NPFFR1: variants seen among roughly 807,000 people sequenced by gnomAD.
NPFFR1 encodes the protein neuropeptide FF receptor 1.
NPFFR1 carries 17 observed loss-of-function variants against 12.7 expected under a neutral mutation model. That is an observed-to-expected ratio of 1.34 (90% CI 0.92 to 2.01). NPFFR1 has a LOEUF of 2.01. NPFFR1 is among the 30% of genes most tolerant of loss of function. The pLI is 0.00. For synonymous variants in NPFFR1, 296 were observed against 264.5 expected, an observed-to-expected ratio of 1.12 and a Z score of -1.16; for missense variants, 604 against 606.5, an observed-to-expected ratio of 1.00 and a Z score of 0.04.
In NPFFR1 at chr10:70,253,208, G is replaced by A. The variant is rs1840528482; in HGVS notation, c.*1749C>T. ...GCTCTTGGCAGCCTGCTCAGCACCA[G>A]GGCAAGAACAACTCAGGCTGGACAT... is the stretch of plus-strand genomic sequence containing the variant. On this transcript the variant is annotated 3_prime_UTR_variant, in exon 4 of 4. Transcript: ENST00000277942. The A allele has an allele frequency of 6.6e-6, 1 of 152,254 alleles. No homozygotes were observed. The highest frequency in any genetic ancestry group is 1.5e-5 in the Non-Finnish European group (1 of 68,146). 9.4% of individuals were successfully genotyped at this position (152,254 alleles called of 1,614,324 possible).
intron 1 of NPFFR1, among the ~76,000 whole-genome samples, chr10:70,280,059 C>T (rs1347898041): frequency 6.6e-6 from 1 of 152,238 alleles, no homozygotes; most frequent in Non-Finnish European, 1.5e-5. Context: ...TGACACAATT[C>T]TGTCTTTTTA....
chr10:70,255,464 CGAT>C lies in NPFFR1; in HGVS notation c.783_785del (p.Ser262del), dbSNP rs1396544622. The C allele has an allele frequency of 5.8e-6, 9 of 1,548,216 alleles. No homozygotes were observed. The highest frequency in any genetic ancestry group is 8.7e-7 in the Non-Finnish European group (1 of 1,146,192). ...TGTGCACCACGCGCGCTCTGCGCCGCGATGCTCGCGGGTCCGCAGCCTCCTCGC... is the reference window on the plus strand; with the variant it reads ...TGTGCACCACGCGCGCTCTGCGCCGCGCTCGCGGGTCCGCAGCCTCCTCGC... On this transcript the variant is annotated inframe_deletion, in exon 4 of 4. Coordinates refer to ENST00000277942, the MANE Select transcript of NPFFR1 (RefSeq NM_022146.5). This position sits in a 1 kb window ranked among gnomAD's most constrained non-coding sequence, Gnocchi z 4.2.
At chr10:70,267,266 G>A (rs777280043) in intron 1 of NPFFR1, among the ~76,000 whole-genome samples, 1 of 152,162 alleles carries the variant, frequency 6.6e-6, no homozygotes, top group Non-Finnish European at 1.5e-5. Context: ...ATCCAAAGCA[G>A]GGGCTCCTGC....
intron 3 of NPFFR1, among the ~76,000 whole-genome samples, chr10:70,258,811 C>G (rs1173314302): frequency 1.3e-5 from 2 of 152,138 alleles, no homozygotes. Flanking sequence ...GGAGTCAGAG[C>G]CTGCCCTGGA....
chr10:70,252,342 G>A lies in NPFFR1; in HGVS notation c.*2615C>T, dbSNP rs1271520535. The A allele has an allele frequency of 6.6e-6, 1 of 152,192 alleles. No homozygotes were observed. The highest frequency in any genetic ancestry group is 2.4e-5 in the African/African-American group (1 of 41,446). The allele number at this position is 152,192 out of a possible 1,614,324, so 9.4% of individuals were successfully genotyped here. ...CCTAGAGTGGCCAAATTCACAGACA[G>A]AAAGTAGAATAGTAGTTACCAGGGG... On this transcript the variant is annotated 3_prime_UTR_variant, in exon 4 of 4. Coordinates refer to ENST00000277942, the MANE Select transcript of NPFFR1 (RefSeq NM_022146.5).
Position 70,283,805 on chromosome 10 carries a change from G to T in NPFFR1, c.-129C>A. 1.0e-6 allele frequency: 1 copy of T among 997,994 alleles called. No homozygotes were observed. Among genetic ancestry groups the T allele is most frequent in the Non-Finnish European group, 1.5e-6 (1 of 673,672 alleles). 61.8% of individuals were successfully genotyped at this position (997,994 alleles called of 1,614,324 possible). A position where few individuals can be genotyped will look rare whatever the true frequency, so the allele number is the denominator to read the frequency against. ...TGCGCCCCTGCCTCCGCGCTCCGCA[G>T]GTCCGGTCGGTCCGGGCAGAGGTGA... On this transcript the variant is annotated 5_prime_UTR_variant, in exon 1 of 4. It adds an upstream start codon to the 5' untranslated region. Transcript: ENST00000277942.
chr10:70,278,255 T>C (rs1840825015), intron 1 of NPFFR1, among the ~76,000 whole-genome samples: 1 of 151,868 alleles, frequency 6.6e-6, no homozygotes, highest in Admixed American at 6.6e-5. Context: ...CAAGAGGGAC[T>C]CCAGACCTAT....
intron 2 of NPFFR1, among the ~76,000 whole-genome samples, chr10:70,265,108 A>G (rs1425152075): frequency 6.6e-6 from 1 of 152,208 alleles, no homozygotes; most frequent in Non-Finnish European, 1.5e-5. Context: ...CAGAGCTGGT[A>G]CTGTGGAGGG....
rs1840473399 is a variant in NPFFR1 at position 70,248,467 on chromosome 10, G to GTTTTTGTTTTTTTTT, written c.*6489_*6490insAAAAAAAAACAAAAA. ...CAAAGTACGTAGTACTATGCCTGGCGTTTTTTTTTTGTTTTTTGTTTTTTT... is the reference window on the plus strand; with the variant it reads ...CAAAGTACGTAGTACTATGCCTGGCGTTTTTGTTTTTTTTTTTTTTTTTTTGTTTTTTGTTTTTTT... On this transcript the variant is annotated 3_prime_UTR_variant, in exon 4 of 4. Coordinates refer to ENST00000277942, the MANE Select transcript of NPFFR1 (RefSeq NM_022146.5). 3.1e-5 allele frequency: 3 copies of GTTTTTGTTTTTTTTT among 96,742 alleles called. No individual in the cohort carries two copies. Among genetic ancestry groups the GTTTTTGTTTTTTTTT allele is most frequent in the African/African-American group, 8.1e-5 (2 of 24,706 alleles). The allele number at this position is 96,742 out of a possible 1,614,324, so 6.0% of individuals were successfully genotyped here. A position where few individuals can be genotyped will look rare whatever the true frequency, so the allele number is the denominator to read the frequency against.
chr10:70,276,397 G>C (rs1164561521), intron 1 of NPFFR1, among the ~76,000 whole-genome samples: 1 of 152,020 alleles, frequency 6.6e-6, no homozygotes, highest in Non-Finnish European at 1.5e-5. Flanking sequence ...TGATAAACTT[G>C]TTCACATGGA....
At chr10:70,283,416 A>G (rs1386720896) in intron 1 of NPFFR1, among the ~76,000 whole-genome samples, 2 of 145,206 alleles carry the variant, frequency 1.4e-5, no homozygotes, top group African/African-American at 5.2e-5. Flanking sequence ...CTTTCTCTCC[A>G]TCTGTCTCTT....
rs1840539269 is a variant in NPFFR1 at position 70,254,174 on chromosome 10, T to G, written c.*783A>C. 6.6e-6 allele frequency: 1 copy of G among 152,228 alleles called. No individual in the cohort carries two copies. Among genetic ancestry groups the G allele is most frequent in the Non-Finnish European group, 1.5e-5 (1 of 68,056 alleles). The allele number at this position is 152,228 out of a possible 1,614,324, so 9.4% of individuals were successfully genotyped here. A position where few individuals can be genotyped will look rare whatever the true frequency, so the allele number is the denominator to read the frequency against. ...TGCAGCATTACAATGTCTGTGGCAT[T>G]GTAAGTTCTTGCCTTGGTCTGGGAG... is the stretch of plus-strand genomic sequence containing the variant. On this transcript the variant is annotated 3_prime_UTR_variant, in exon 4 of 4. Transcript: ENST00000277942.
At chr10:70,277,830 C>A (rs1840819589) in intron 1 of NPFFR1, 1 of 459,096 alleles carries the variant, frequency 2.2e-6, no homozygotes, top group African/African-American at 2.0e-5. Flanking sequence ...CATAACATCA[C>A]AGTTAAGGCC....
chr10:70,259,060 G>A (rs1840606193), intron 3 of NPFFR1, among the ~76,000 whole-genome samples: 1 of 152,156 alleles, frequency 6.6e-6, no homozygotes, highest in South Asian at 2.1e-4. Flanking sequence ...GCTGAGGAGG[G>A]TGGATCACTT....
intron 1 of NPFFR1, among the ~76,000 whole-genome samples, chr10:70,282,090 A>G (rs1312920626): frequency 6.6e-6 from 1 of 152,180 alleles, no homozygotes; most frequent in African/African-American, 2.4e-5. Context: ...AGTTTCCTCA[A>G]AAGCAATGAT....
chr10:70,260,666 G>A lies in NPFFR1; in HGVS notation c.396C>T (p.Phe132=). Residue 132 remains phenylalanine (F), a synonymous_variant, in exon 3 of 4, where the codon TTC becomes TTT. Transcript: ENST00000277942. ...VQGMSVSASV[F]TLVAIAVERF... ...TTTCCACAGCAATGGCCACCAGTGTGAAAACGGAAGCCGACACAGACATGC... is the reference window on the plus strand; with the variant it reads ...TTTCCACAGCAATGGCCACCAGTGTAAAAACGGAAGCCGACACAGACATGC... The A allele has an allele frequency of 1.2e-6, 2 of 1,610,980 alleles. No individual in the cohort carries two copies. The highest frequency in any genetic ancestry group is 1.7e-6 in the Non-Finnish European group (2 of 1,178,682).
chr10:70,260,954 A>G (rs1470401766), intron 2 of NPFFR1, among the ~76,000 whole-genome samples: 3 of 152,136 alleles, frequency 2.0e-5, no homozygotes, highest in Non-Finnish European at 2.9e-5. Context: ...CCTCGTTTAT[A>G]CAGTGCATTG....
chr10:70,260,706 C>T lies in NPFFR1; in HGVS notation c.356G>A (p.Ser119Asn), dbSNP rs1320346000. ...CACAGACATGCCCTGCACCAAGCCG[C>T]TCATCTTGCATGTGGCATTGTCGAA... Reference protein sequence around the residue: ...WPFDNATCKMSGLVQGMSVSA... With the variant: ...WPFDNATCKMNGLVQGMSVSA... Residue 119 changes from serine (S) to asparagine (N), a missense_variant, in exon 3 of 4, where the codon AGC becomes AAC. Transcript: ENST00000277942. 2.5e-6 allele frequency: 4 copies of T among 1,609,158 alleles called. No individual in the cohort carries two copies. The highest frequency in any genetic ancestry group is 3.4e-6 in the Non-Finnish European group (4 of 1,177,810).
At position 70,253,801 on chromosome 10, in the gene NPFFR1, T is replaced by C. The variant is rs1261914655; in HGVS notation, c.*1156A>G. 1 of 152,210 alleles carries C rather than the reference T, an allele frequency of 6.6e-6. No homozygotes were observed. The highest frequency in any genetic ancestry group is 1.9e-4 in the East Asian group (1 of 5,180). 9.4% of individuals were successfully genotyped at this position (152,210 alleles called of 1,614,324 possible). Reference sequence around the variant, plus strand: ...GAAAGGACCCTCCAAGGCAATCCCATGTGCTCCCGTCTCCTGGAAAGAAGC... The same window carrying C: ...GAAAGGACCCTCCAAGGCAATCCCACGTGCTCCCGTCTCCTGGAAAGAAGC... On this transcript the variant is annotated 3_prime_UTR_variant, in exon 4 of 4. Coordinates refer to ENST00000277942, the MANE Select transcript of NPFFR1 (RefSeq NM_022146.5).
Sources: gnomAD v4.1 joint callset for allele counts (sites outside exome capture counted in the v4.1 genomes callset) on GRCh38, gnomAD v4.1.1 for gene constraint, Gnocchi (gnomAD v3.1) non-coding constraint, MANE v1.5 for transcripts, NCBI Gene and HGNC (gene_info 2026-07-23, HGNC 2026-07-21) for gene names.